Variants in EPS15 observed in about 807,000 individuals in gnomAD.
The protein encoded by EPS15 is epidermal growth factor receptor pathway substrate 15.
Under a neutral mutation model 113.8 loss-of-function variants are expected in EPS15, and 72 were observed. The ratio of observed to expected loss-of-function variants is 0.63; its 90% CI spans 0.52 to 0.77. The LOEUF (loss-of-function observed/expected upper bound fraction) is 0.77. Ranked by LOEUF, EPS15 falls within the 30% of genes least tolerant of loss-of-function variation. The pLI is 0.00. For missense variants in EPS15, 1,048 were observed against 1,045.8 expected (o/e 1.00, Z -0.03); for synonymous variants, 344 against 363.4 (o/e 0.95, Z 0.61).
chr1:51,486,841 G>A lies in EPS15; in HGVS notation c.34-5527C>T, dbSNP rs562716250. On this transcript the variant is annotated intron_variant, in intron 1 of 24. Coordinates refer to ENST00000371733, the MANE Select transcript of EPS15 (RefSeq NM_001981.3). ...GGCTAATTTTTGTGTGTGTGTGTGT[G>A]TATTTTTAGTAGAGACGGGGGCTTC... is the stretch of plus-strand genomic sequence containing the variant. 1.6e-3 allele frequency among the ~76,000 whole-genome samples: 240 copies of A among 152,044 alleles called. 6 individuals carry two copies. The highest frequency in any genetic ancestry group is 0.014 in the Admixed American group (213 of 15,274).
At chr1:51,450,620 T>G (rs1653465826) in intron 8 of EPS15, among the ~76,000 whole-genome samples, 1 of 151,870 alleles carries the variant, frequency 6.6e-6, no homozygotes, top group African/African-American at 2.4e-5. Flanking sequence ...ATTATTTTTC[T>G]TCCCCTAACA....
chr1:51,404,031 G>A (rs764506234), intron 16 of EPS15, among the ~76,000 whole-genome samples: 25 of 152,130 alleles, frequency 1.6e-4, no homozygotes, highest in Admixed American at 6.6e-5. Context: ...TCATTTAGAC[G>A]AGTGGGTGAA....
intron 11 of EPS15, among the ~76,000 whole-genome samples, chr1:51,441,191 A>C (rs1248579940): frequency 2.6e-5 from 4 of 152,108 alleles, no homozygotes; most frequent in Non-Finnish European, 5.9e-5. Flanking sequence ...TTTACAAGTT[A>C]AATGAAATAA....
intron 21 of EPS15, among the ~76,000 whole-genome samples, chr1:51,378,484 C>A (rs371696686): frequency 3.3e-5 from 5 of 152,014 alleles, no homozygotes; most frequent in African/African-American, 4.8e-5. Flanking sequence ...AAAACAAAAC[C>A]AAACCATAAT....
chr1:51,506,387 A>G (rs1644499601), intron 1 of EPS15, among the ~76,000 whole-genome samples: 2 of 152,222 alleles, frequency 1.3e-5, no homozygotes, highest in South Asian at 4.1e-4. Flanking sequence ...CCTCATAATC[A>G]AAGAAAAACT....
intron 21 of EPS15, chr1:51,372,964 C>CAGGCTGATGTCTGG: frequency 4.2e-6 from 2 of 476,450 alleles, no homozygotes; most frequent in Non-Finnish European, 7.0e-6. Context: ...CAATCTGCTG[C>CAGGCTGATGTCTGG]CAGACATCAG....
intron 24 of EPS15, among the ~76,000 whole-genome samples, chr1:51,357,420 A>AT (rs1162988496): frequency 3.3e-4 from 23 of 68,776 alleles, no homozygotes; most frequent in East Asian, 1.1e-3. Context: ...ATATATATAT[A>AT]TATATATTTT....
At chr1:51,456,919 A>G (rs1036070804) in intron 8 of EPS15, among the ~76,000 whole-genome samples, 1 of 152,204 alleles carries the variant, frequency 6.6e-6, no homozygotes, top group Non-Finnish European at 1.5e-5. Context: ...TACCAAAACC[A>G]AAAGAAATAA....
intron 13 of EPS15, among the ~76,000 whole-genome samples, chr1:51,421,284 T>C (rs1650727286): frequency 6.6e-6 from 1 of 152,290 alleles, no homozygotes; most frequent in South Asian, 2.1e-4. Flanking sequence ...ACTAAGCTAC[T>C]CATAAAATGC....
Position 51,356,302 on chromosome 1 carries a change from A to C in EPS15, c.*398T>G, listed in dbSNP as rs548871924. The C allele has an allele frequency of 8.7e-5, 20 of 228,976 alleles. No homozygotes were observed. In the East Asian group the frequency reaches 1.0e-3, roughly 12 times the overall value. 14.2% of individuals were successfully genotyped at this position (228,976 alleles called of 1,614,324 possible). ...CATTCCAATCAGGGGAGAATACTGC[A>C]AACTTTAAGAACCTCACTGGCTATC... On this transcript the variant is annotated 3_prime_UTR_variant, in exon 25 of 25. Coordinates refer to ENST00000371733, the MANE Select transcript of EPS15 (RefSeq NM_001981.3).
chr1:51,364,078 G>GT lies in EPS15; in HGVS notation c.2197-51dup, dbSNP rs772430538. 3 of 1,328,282 alleles carry GT rather than the reference G, an allele frequency of 2.3e-6. No individual in the cohort carries two copies. In the Admixed American group the frequency reaches 6.7e-5, roughly 30 times the overall value. 82.3% of individuals were successfully genotyped at this position (1,328,282 alleles called of 1,614,324 possible). A position where few individuals can be genotyped will look rare whatever the true frequency, so the allele number is the denominator to read the frequency against. ...ACATGGCTATACCAAGCAAATTGTG[G>GT]TAGTCATGTAGCATTCAGAATAATG... On this transcript the variant is annotated intron_variant, in intron 22 of 24. Coordinates refer to ENST00000371733, the MANE Select transcript of EPS15 (RefSeq NM_001981.3).
intron 12 of EPS15, among the ~76,000 whole-genome samples, chr1:51,425,202 A>G (rs1179860671): frequency 6.6e-6 from 1 of 152,222 alleles, no homozygotes; most frequent in East Asian, 1.9e-4. Context: ...AATTTGAACC[A>G]TCAAGGAAAG....
At chr1:51,509,024 C>T (rs1644572394) in intron 1 of EPS15, among the ~76,000 whole-genome samples, 1 of 152,128 alleles carries the variant, frequency 6.6e-6, no homozygotes, top group South Asian at 2.1e-4. Flanking sequence ...TCATGGCACC[C>T]CCTTGCCTTA....
At chr1:51,431,010 ACACACACACACAC>A (rs1557462489) in intron 12 of EPS15, among the ~76,000 whole-genome samples, 1 of 149,542 alleles carries the variant, frequency 6.7e-6, no homozygotes, top group African/African-American at 2.5e-5. Context: ...ACACACACAC[ACACACACACACAC>A]ACACAAAAAT....
At chr1:51,380,057 G>GA (rs149612289) in intron 21 of EPS15, among the ~76,000 whole-genome samples, 2,155 of 130,618 alleles carry the variant, frequency 0.016, 50 homozygotes, top group African/African-American at 0.053. Flanking sequence ...CTGCTTCCAG[G>GA]AAAAAAAAAA....
intron 23 of EPS15, among the ~76,000 whole-genome samples, chr1:51,361,834 T>G (rs1646393861): frequency 6.6e-6 from 1 of 152,250 alleles, no homozygotes; most frequent in Non-Finnish European, 1.5e-5. Flanking sequence ...TTTTCTCTAG[T>G]TCTACATACA....
intron 11 of EPS15, 55 bp from the exon 12 acceptor site, chr1:51,440,487 CA>C: frequency 1.3e-6 from 1 of 762,306 alleles, no homozygotes; most frequent in Non-Finnish European, 2.1e-6. Context: ...TAATATAAGA[CA>C]AAACACTAAA....
intron 19 of EPS15, among the ~76,000 whole-genome samples, chr1:51,400,251 G>A (rs903523733): frequency 2.0e-5 from 3 of 152,144 alleles, no homozygotes; most frequent in African/African-American, 7.2e-5. Context: ...CTAATCACAC[G>A]TGTGGGCTAT....
At chr1:51,376,527 G>A (rs988940476) in intron 21 of EPS15, among the ~76,000 whole-genome samples, 1 of 152,104 alleles carries the variant, frequency 6.6e-6, no homozygotes, top group African/African-American at 2.4e-5. Context: ...AGCCGTGTGT[G>A]GTGGCATGTG....
Sources: allele counts gnomAD v4.1 joint callset (sites outside exome capture counted in the v4.1 genomes callset), GRCh38; gene constraint gnomAD v4.1.1; transcripts MANE v1.5; gene names NCBI Gene and HGNC (gene_info 2026-07-23, HGNC 2026-07-21).